Variants in POFUT1 observed in about 807,000 individuals in gnomAD.
POFUT1 encodes protein O-fucosyltransferase 1.
POFUT1 carries 16 observed loss-of-function variants against 42.4 expected under a neutral mutation model. That is an observed-to-expected ratio of 0.38 (90% CI 0.26 to 0.57). The LOEUF is 0.57. Among genes scored for constraint, POFUT1 ranks in the 20% least tolerant of loss-of-function variants. The pLI is 0.71. For missense variants in POFUT1, 470 were observed against 504.6 expected (o/e 0.93, Z 0.66); for synonymous variants, 206 against 205.4 (o/e 1.00, Z -0.03).
At position 32,207,901 on chromosome 20, in the gene POFUT1, C is replaced by G; in HGVS notation, c.-41C>G. On this transcript the variant is annotated 5_prime_UTR_variant, in exon 1 of 7. Transcript: ENST00000375749. The stretch of plus-strand genomic sequence containing the variant: ...GGGCGCTCGCGTCCCTCCTTCCCTC[C>G]CCGACTGTGCGCCGCGGCTGGCTCG... 6.4e-7 allele frequency: 1 copy of G among 1,550,442 alleles called. No homozygotes were observed. Among genetic ancestry groups the G allele is most frequent in the Non-Finnish European group, 8.6e-7 (1 of 1,157,004 alleles).
intron 2 of POFUT1, among the ~76,000 whole-genome samples, chr20:32,213,642 G>A (rs191552239): frequency 1.2e-3 from 179 of 150,874 alleles, no homozygotes; most frequent in African/African-American, 4.3e-3. Flanking sequence ...GTGGTGGTGC[G>A]TGCCTGCAAT....
chr20:32,226,452 C>CTGTGTGTGTGTGTG (rs33999719), intron 4 of POFUT1, among the ~76,000 whole-genome samples: 3 of 147,628 alleles, frequency 2.0e-5, no homozygotes, highest in East Asian at 4.0e-4. Flanking sequence ...GAGTGCATGC[C>CTGTGTGTGTGTGTG]TGTGTGTGTG....
chr20:32,231,927 G>A (rs528707282), intron 6 of POFUT1, among the ~76,000 whole-genome samples: 6 of 152,348 alleles, frequency 3.9e-5, no homozygotes, highest in Admixed American at 3.9e-4. Context: ...TACTATATCA[G>A]TGAAGAGTAA....
At position 32,237,993 on chromosome 20, in the gene POFUT1, A is replaced by G. The variant is rs906332801; in HGVS notation, c.*3332A>G. 1.1e-5 allele frequency: 4 copies of G among 364,476 alleles called. No homozygotes were observed. Among genetic ancestry groups the G allele is most frequent in the African/African-American group, 6.4e-5 (3 of 47,042 alleles). 22.6% of individuals were successfully genotyped at this position (364,476 alleles called of 1,614,324 possible). A position where few individuals can be genotyped will look rare whatever the true frequency, so the allele number is the denominator to read the frequency against. ...ATACAATTTAATGTCCTAGTGTTTT[A>G]CTTAATAGTGTATCATGTTTTCCCT... is the stretch of plus-strand genomic sequence containing the variant. On this transcript the variant is annotated 3_prime_UTR_variant, in exon 7 of 7. Transcript: ENST00000375749.
intron 4 of POFUT1, among the ~76,000 whole-genome samples, chr20:32,221,853 T>G (rs2047392539): frequency 6.6e-6 from 1 of 152,168 alleles, no homozygotes; most frequent in Non-Finnish European, 1.5e-5. Flanking sequence ...AGAAGAAGTT[T>G]GTAGGCTACA....
rs1227607861 is a variant in POFUT1 at position 32,234,484 on chromosome 20, G to A, written c.990G>A (p.Val330=). Residue 330 remains valine, a synonymous_variant, in exon 7 of 7, where the codon GTG becomes GTA. Coordinates refer to ENST00000375749, the MANE Select transcript of POFUT1 (RefSeq NM_015352.2). ...QQLFKGKVKV[V]SLKPEVAQVD... is the part of the protein sequence containing the mutation. Reference sequence around the variant, plus strand: ...GCTTCTTCCTGCAGGTGAAGGTGGTGAGCCTGAAGCCTGAGGTGGCCCAGG... The same window carrying A: ...GCTTCTTCCTGCAGGTGAAGGTGGTAAGCCTGAAGCCTGAGGTGGCCCAGG... The A allele has an allele frequency of 6.2e-6, 10 of 1,606,512 alleles. No homozygotes were observed. The highest frequency in any genetic ancestry group is 8.5e-6 in the Non-Finnish European group (10 of 1,176,196).
In POFUT1 at chr20:32,230,197, C is replaced by A. The variant is rs577118031; in HGVS notation, c.736-622C>A. Among the ~76,000 whole-genome samples, 6 of 151,782 alleles carry A rather than the reference C, an allele frequency of 4.0e-5. No individual in the cohort carries two copies. The East Asian group carries it at 1.2e-3, about 30-fold the overall frequency. ...GGTCAGGAGATCAAGACCATCCTGG[C>A]TAACGTGGTGAAACCCCGTCTCTAC... On this transcript the variant is annotated intron_variant, in intron 5 of 6. Transcript: ENST00000375749.
intron 5 of POFUT1, 64 bp from the exon 6 acceptor site, chr20:32,230,755 A>G (rs1272230735): frequency 1.3e-6 from 2 of 1,578,578 alleles, no homozygotes; most frequent in Admixed American, 1.7e-5. Context: ...TCCACTTACC[A>G]GGTCTTGCTT....
At chr20:32,228,592 C>A in intron 5 of POFUT1, 137 bp downstream of exon 5, 2 of 696,808 alleles carry the variant, frequency 2.9e-6, no homozygotes, top group Non-Finnish European at 2.4e-6. Context: ...TGTGTCCCAT[C>A]ATCCCACTGC....
chr20:32,209,962 C>G lies in POFUT1; in HGVS notation c.125-109C>G, dbSNP rs549416140. On this transcript the variant is annotated intron_variant, in intron 1 of 6. Transcript: ENST00000375749. ...TATGCTGCCAGCTCCCCTAGTTCTC[C>G]TTGGTATCCCTGACTTTCTACCCCT... 4.3e-5 allele frequency: 52 copies of G among 1,214,870 alleles called. No homozygotes were observed. The African/African-American group carries it at 7.5e-4, about 17-fold the overall frequency. The allele number at this position is 1,214,870 out of a possible 1,614,324, so 75.3% of individuals were successfully genotyped here.
intron 2 of POFUT1, among the ~76,000 whole-genome samples, chr20:32,211,273 C>T (rs1046257073): frequency 2.6e-5 from 3 of 116,854 alleles, no homozygotes; most frequent in Non-Finnish European, 4.8e-5. Flanking sequence ...TAATTTCGCA[C>T]TCACTATTTT....
At chr20:32,211,908 C>T (rs1382129060) in intron 2 of POFUT1, among the ~76,000 whole-genome samples, 1 of 152,188 alleles carries the variant, frequency 6.6e-6, no homozygotes, top group Non-Finnish European at 1.5e-5. Context: ...TTCCTCTTTC[C>T]ACTGTATCAG....
chr20:32,209,872 C>T (rs113177568), intron 1 of POFUT1, among the ~76,000 whole-genome samples, 199 bp from the exon 2 acceptor site: 2 of 152,256 alleles, frequency 1.3e-5, no homozygotes, highest in Non-Finnish European at 2.9e-5. Context: ...CCTGGAGTGG[C>T]GGAAGCAGTT....
chr20:32,219,467 T>C (rs1006787300), intron 4 of POFUT1, among the ~76,000 whole-genome samples: 5 of 151,782 alleles, frequency 3.3e-5, no homozygotes, highest in African/African-American at 1.2e-4. Context: ...TATCTGTTGC[T>C]GCATAATAAA....
chr20:32,219,133 TG>T (rs570512553), intron 4 of POFUT1, among the ~76,000 whole-genome samples: 102 of 152,288 alleles, frequency 6.7e-4, no homozygotes, highest in African/African-American at 2.4e-3. Flanking sequence ...AGGCAGGGAA[TG>T]AACAAGGCCA....
Position 32,231,057 on chromosome 20 carries a change from G to A in POFUT1, c.974G>A (p.Gly325Glu), listed in dbSNP as rs2047441311. ...YVPELQQLFK[G>E]KVKVVSLKPE... ...CCTGAGCTCCAACAGCTCTTCAAAGGGAAGGTATGTGTGGGCCAAGTGGGA... is the reference window on the plus strand; with the variant it reads ...CCTGAGCTCCAACAGCTCTTCAAAGAGAAGGTATGTGTGGGCCAAGTGGGA... The change falls in exon 6 of 7, where the codon GGG (glycine) becomes GAG (glutamate). Residue 325 changes from glycine (G) to glutamate (E), a missense_variant. By Grantham distance (98) the Gly-to-Glu change is moderately conservative (BLOSUM62 -2). Transcript: ENST00000375749. The A allele has an allele frequency of 6.2e-7, 1 of 1,614,172 alleles. No homozygotes were observed. The highest frequency in any genetic ancestry group is 8.5e-7 in the Non-Finnish European group (1 of 1,180,040).
chr20:32,226,382 T>C (rs752632594), intron 4 of POFUT1, among the ~76,000 whole-genome samples: 4 of 152,168 alleles, frequency 2.6e-5, no homozygotes, highest in Non-Finnish European at 4.4e-5. Context: ...AACCAGGATA[T>C]TGACATTGAT....
chr20:32,216,566 T>C (rs775136435), intron 3 of POFUT1, 43 bp from the exon 4 acceptor site: 1 of 1,307,378 alleles, frequency 7.6e-7, no homozygotes, highest in South Asian at 1.2e-5. Flanking sequence ...CCAAATGGCT[T>C]TCCCTCCCCA....
In POFUT1 at chr20:32,216,739, C is replaced by T. The variant is rs764319739; in HGVS notation, c.542+18C>T. 7 of 1,555,780 alleles carry T rather than the reference C, an allele frequency of 4.5e-6. No homozygotes were observed. The highest frequency in any genetic ancestry group is 2.7e-5 in the African/African-American group (2 of 73,684). On this transcript the variant is annotated intron_variant, in intron 4 of 6. Coordinates refer to ENST00000375749, the MANE Select transcript of POFUT1 (RefSeq NM_015352.2). ...AGCCAGAGGTACTTGGAGGGGGTAG[C>T]GTTTCTGGGTTTAGGGGAGGCGCAT...
Sources: gnomAD v4.1 joint callset for allele counts (sites outside exome capture counted in the v4.1 genomes callset) on GRCh38, gnomAD v4.1.1 for gene constraint, MANE v1.5 for transcripts, NCBI Gene and HGNC (gene_info 2026-07-23, HGNC 2026-07-21) for gene names.